Variants in TNRC6A observed in about 807,000 individuals in gnomAD.
TNRC6A encodes trinucleotide repeat-containing gene 6A protein.
Under a neutral mutation model 221.2 loss-of-function variants are expected in TNRC6A, and 44 were observed. That is an observed-to-expected ratio of 0.20 (90% confidence interval 0.16 to 0.26). TNRC6A has a LOEUF of 0.26. Ranked by LOEUF, TNRC6A falls within the 10% of genes least tolerant of loss-of-function variation. The pLI, the probability that TNRC6A is intolerant of heterozygous loss-of-function variation, is 1.00. For missense variants in TNRC6A, 2,199 were observed against 2,404.4 expected, an observed-to-expected ratio of 0.91 and a Z score of 1.79; for synonymous variants, 847 against 838.5, an observed-to-expected ratio of 1.01 and a Z score of -0.18.
chr16:24,666,270 C>T (rs2055157550), intron 2 of TNRC6A, among the ~76,000 whole-genome samples: 1 of 151,780 alleles, frequency 6.6e-6, no homozygotes, highest in Non-Finnish European at 1.5e-5. Context: ...AGATTGAAAC[C>T]ATCCTGGCTA....
At chr16:24,621,078 C>T (rs574200415) in intron 1 of TNRC6A, among the ~76,000 whole-genome samples, 4 of 109,982 alleles carry the variant, frequency 3.6e-5, no homozygotes, top group Admixed American at 1.1e-4. Flanking sequence ...AGCAAGACGC[C>T]GTCTCAAAAA....
chr16:24,750,845 A>T, intron 3 of TNRC6A, 32 bp downstream of exon 3: 4 of 1,437,354 alleles, frequency 2.8e-6, no homozygotes, highest in Non-Finnish European at 3.7e-6. Flanking sequence ...TATATTAAGC[A>T]GTTTAAACAT....
chr16:24,617,778 GA>G (rs1900443405), intron 1 of TNRC6A, among the ~76,000 whole-genome samples: 1 of 152,222 alleles, frequency 6.6e-6, no homozygotes, highest in Admixed American at 6.5e-5. Context: ...TACGCCTGCT[GA>G]GAATGAAACA....
chr16:24,729,587 G>C (rs1767086630), upstream of TNRC6A: 1 of 397,846 alleles, frequency 2.5e-6, no homozygotes, highest in South Asian at 8.7e-5. Flanking sequence ...CCAGTTGCTA[G>C]GGCCTCCATC....
intron 3 of TNRC6A, among the ~76,000 whole-genome samples, chr16:24,751,589 TCTC>T (rs2057138305): frequency 1.3e-5 from 2 of 152,206 alleles, no homozygotes; most frequent in Non-Finnish European, 2.9e-5. Flanking sequence ...TGGGCACTCA[TCTC>T]CTACTATGTC....
At chr16:24,786,791 T>C (rs1207382839) in intron 5 of TNRC6A, among the ~76,000 whole-genome samples, 4 of 152,116 alleles carry the variant, frequency 2.6e-5, no homozygotes, top group Non-Finnish European at 5.9e-5. Context: ...TTTAAGCAAT[T>C]CTGCCTCAGC....
At chr16:24,648,310 C>T (rs980009568) in intron 2 of TNRC6A, among the ~76,000 whole-genome samples, 56 of 100,284 alleles carry the variant, frequency 5.6e-4, no homozygotes, top group African/African-American at 2.3e-3. Context: ...CTCGCTCTGT[C>T]GCCCAGGCTG....
chr16:24,659,055 C>T (rs1191478534), intron 2 of TNRC6A, among the ~76,000 whole-genome samples: 8 of 151,456 alleles, frequency 5.3e-5, no homozygotes, highest in Non-Finnish European at 7.4e-5. Context: ...GCAATCCACC[C>T]GCCTCAGTCT....
intron 4 of TNRC6A, among the ~76,000 whole-genome samples, chr16:24,760,929 C>T (rs1394117829): frequency 1.3e-5 from 2 of 152,164 alleles, no homozygotes; most frequent in Non-Finnish European, 2.9e-5. Flanking sequence ...GGATCCGATG[C>T]GAAATGCTGC....
chr16:24,803,027 C>G (rs2058359980), intron 11 of TNRC6A, among the ~76,000 whole-genome samples: 1 of 152,134 alleles, frequency 6.6e-6, no homozygotes, highest in South Asian at 2.1e-4. Context: ...AGAGCAAAGC[C>G]TAAGAGAGGG....
At chr16:24,817,575 C>T (rs977640306) in intron 20 of TNRC6A, among the ~76,000 whole-genome samples, 3 of 152,114 alleles carry the variant, frequency 2.0e-5, no homozygotes, top group Admixed American at 1.3e-4. Context: ...TTACCTGCCA[C>T]GGGGTTACTT....
intron 1 of TNRC6A, among the ~76,000 whole-genome samples, chr16:24,620,396 T>C (rs540474884): frequency 2.1e-4 from 32 of 152,332 alleles, no homozygotes; most frequent in African/African-American, 7.2e-4. Context: ...AGTGTCGTTA[T>C]AATGCTAGTC....
intron 2 of TNRC6A, among the ~76,000 whole-genome samples, chr16:24,661,182 G>C (rs2055027246): frequency 6.6e-6 from 1 of 152,068 alleles, no homozygotes; most frequent in South Asian, 2.1e-4. Flanking sequence ...CCTGTCAAAG[G>C]AGGAGTGTAC....
chr16:24,823,761 C>G lies in TNRC6A; in HGVS notation c.5843C>G (p.Ala1948Gly). The change falls in exon 25 of 25, where the codon GCT becomes GGT. Residue 1948 changes from alanine (A) to glycine (G), a missense_variant. Coordinates refer to ENST00000395799, the MANE Select transcript of TNRC6A (RefSeq NM_014494.4). The surrounding 1 kb of genome is among the most constrained non-coding windows in gnomAD (Gnocchi z 4.3). ...RGISSPSPIN[A>G]FLSVDHLGGG... Reference sequence around the variant, plus strand: ...ATTAGCAGCCCATCTCCCATTAACGCTTTTCTTTCTGTTGACCACCTGGGT... The same window carrying G: ...ATTAGCAGCCCATCTCCCATTAACGGTTTTCTTTCTGTTGACCACCTGGGT... The G allele has an allele frequency of 2.0e-6, 3 of 1,489,552 alleles. No homozygotes were observed. Among genetic ancestry groups the G allele is most frequent in the Non-Finnish European group, 2.7e-6 (3 of 1,119,826 alleles). The allele number at this position is 1,489,552 out of a possible 1,614,324, so 92.3% of individuals were successfully genotyped here.
At chr16:24,639,934 T>G (rs1344723190) in intron 1 of TNRC6A, among the ~76,000 whole-genome samples, 7 of 152,166 alleles carry the variant, frequency 4.6e-5, no homozygotes, top group Admixed American at 2.6e-4. Context: ...TGGGATCACA[T>G]GCATAAGCCA....
chr16:24,768,045 A>C (rs1186956807), intron 4 of TNRC6A, among the ~76,000 whole-genome samples: 2 of 152,186 alleles, frequency 1.3e-5, no homozygotes, highest in Non-Finnish European at 2.9e-5. Context: ...TTTGCTTCTA[A>C]ACAGTTCTAA....
chr16:24,657,169 C>A (rs2054928913), intron 2 of TNRC6A, among the ~76,000 whole-genome samples: 1 of 151,646 alleles, frequency 6.6e-6, no homozygotes, highest in African/African-American at 2.4e-5. Context: ...CAAAAATTAG[C>A]CAGGCATGGT....
In TNRC6A at chr16:24,653,778, C is replaced by CAA. The variant is rs11285795; in HGVS notation, n.402+12782_402+12783dup. ...CTAGAGTGAGAGAGCGAGACTCTAT[C>CAA]AAAAAAAAAAAAAAGAAGCCTAGTT... On this transcript the variant is annotated intron_variant and non_coding_transcript_variant, in intron 2 of 2. Coordinates refer to the TNRC6A transcript ENST00000566108. Among the ~76,000 whole-genome samples, 648 of 140,704 alleles carry CAA rather than the reference C, an allele frequency of 4.6e-3. 9 individuals are homozygous for CAA. Among genetic ancestry groups the CAA allele is most frequent in the Non-Finnish European group, 5.1e-3 (334 of 65,526 alleles). The allele number at this position is 140,704 out of a possible 152,430, so 92.3% of individuals were successfully genotyped here.
chr16:24,823,405 C>CCACG lies in TNRC6A; in HGVS notation c.5514-27_5514-26insCACG, dbSNP rs1323624075. The CCACG allele has an allele frequency of 6.3e-7, 1 of 1,583,414 alleles. No homozygotes were observed. The highest frequency in any genetic ancestry group is 2.2e-5 in the East Asian group (1 of 44,572). On this transcript the variant is annotated intron_variant, in intron 24 of 24. Coordinates refer to ENST00000395799, the MANE Select transcript of TNRC6A (RefSeq NM_014494.4). The surrounding 1 kb of genome is among the most constrained non-coding windows in gnomAD (Gnocchi z 4.3). Reference sequence around the variant, plus strand: ...AAGCCCTCCTGGTGTGCTGTCCTCACGTGTCCGCGGTGCCTCTCTCCTCTA... The same window carrying CCACG: ...AAGCCCTCCTGGTGTGCTGTCCTCACCACGGTGTCCGCGGTGCCTCTCTCCTCTA...
Sources: gnomAD v4.1 joint callset for allele counts (sites outside exome capture counted in the v4.1 genomes callset) on GRCh38, gnomAD v4.1.1 for gene constraint, Gnocchi (gnomAD v3.1) non-coding constraint, MANE v1.5 for transcripts, NCBI Gene and HGNC (gene_info 2026-07-23, HGNC 2026-07-21) for gene names.